HAPLN3: variants seen among roughly 807,000 people sequenced by gnomAD.
The protein encoded by HAPLN3 is extracellular link domain containing, 1.
HAPLN3 carries 28 observed loss-of-function variants against 28.1 expected under a neutral mutation model. The observed-to-expected ratio is 1.00, with a 90% CI of 0.74 to 1.37. The LOEUF (loss-of-function observed/expected upper bound fraction) is 1.37, where lower values mean the gene tolerates loss of function less well. Ranked by LOEUF, HAPLN3 falls within the 40% of genes most tolerant of loss-of-function variation. HAPLN3 has a pLI of 0.00. For missense variants in HAPLN3, 513 were observed against 504.6 expected (o/e 1.02, Z -0.16); for synonymous variants, 211 against 213.1 (o/e 0.99, Z 0.09).
chr15:88,884,307 G>A (rs1309393447), intron 2 of HAPLN3, among the ~76,000 whole-genome samples: 1 of 152,146 alleles, frequency 6.6e-6, no homozygotes, highest in African/African-American at 2.4e-5. Context: ...GCTCACGCCT[G>A]TAATCCCAGC....
rs1763660796 is a variant in HAPLN3, at chr15:88,881,810, C to T, written c.125-85G>A. On this transcript the variant is annotated intron_variant, in intron 2 of 4. Transcript: ENST00000359595. This position sits in a 1 kb window ranked among gnomAD's most constrained non-coding sequence, Gnocchi z 6.0. ...GGCCACCGCACACCCTCATCCACGG[C>T]TCCTACAGGCTCAGATTGCAAAAAT... 6.9e-7 allele frequency: 1 copy of T among 1,456,356 alleles called. No individual in the cohort carries two copies. The highest frequency in any genetic ancestry group is 1.4e-5 in the South Asian group (1 of 73,508). The allele number at this position is 1,456,356 out of a possible 1,614,324, so 90.2% of individuals were successfully genotyped here.
Position 88,895,006 on chromosome 15 carries a change from C to T in HAPLN3, c.-48+453G>A, listed in dbSNP as rs557369484. 8.5e-5 allele frequency among the ~76,000 whole-genome samples: 13 copies of T among 152,356 alleles called. No homozygotes were observed. Among genetic ancestry groups the T allele is most frequent in the African/African-American group, 3.1e-4 (13 of 41,594 alleles). On this transcript the variant is annotated intron_variant, in intron 1 of 4. Coordinates refer to ENST00000359595, the MANE Select transcript of HAPLN3 (RefSeq NM_178232.4). This position sits in a 1 kb window ranked among gnomAD's most constrained non-coding sequence, Gnocchi z 5.5. The stretch of plus-strand genomic sequence containing the variant: ...GGTCCGCCAGCCGCCTCGCAGGTTG[C>T]CCTCAGCCCCTCCCAGGACTCCCGG...
At position 88,881,149 on chromosome 15, in the gene HAPLN3, CTG is replaced by C; in HGVS notation, c.493+206_493+207del. ...AGACCCCAGCTCTGTCGTTTACAAG[CTG>C]TGTGACCTTAGGTAAGTTACTTGAC... is the stretch of plus-strand genomic sequence containing the variant. On this transcript the variant is annotated intron_variant, in intron 3 of 4. Transcript: ENST00000359595. This position sits in a 1 kb window ranked among gnomAD's most constrained non-coding sequence, Gnocchi z 6.0. 1 of 628,470 alleles carries C rather than the reference CTG, an allele frequency of 1.6e-6. No homozygotes were observed. The highest frequency in any genetic ancestry group is 2.7e-6 in the Non-Finnish European group (1 of 370,792). 38.9% of individuals were successfully genotyped at this position (628,470 alleles called of 1,614,324 possible). A position where few individuals can be genotyped will look rare whatever the true frequency, so the allele number is the denominator to read the frequency against.
At position 88,879,026 on chromosome 15, in the gene HAPLN3, C is replaced by A; in HGVS notation, c.737G>T (p.Gly246Val). ...GCGGTGCAGGCGGCGGTGGCGGGGG[C>A]CGTAGCTTCGCACGCCAGGTGCCAG... is the stretch of plus-strand genomic sequence containing the variant. ...PGLAPGVRSY[G>V]PRHRRLHRYD... Residue 246 changes from glycine (G) to valine (V), a missense_variant, in exon 4 of 5, where the codon GGC becomes GTC. By Grantham distance (109) the Gly-to-Val change is moderately radical. Transcript: ENST00000359595. The surrounding 1 kb of genome is among the most constrained non-coding windows in gnomAD (Gnocchi z 5.0). The A allele has an allele frequency of 6.2e-7, 1 of 1,608,448 alleles. No individual in the cohort carries two copies. Among genetic ancestry groups the A allele is most frequent in the Non-Finnish European group, 8.5e-7 (1 of 1,178,024 alleles).
chr15:88,893,538 CT>C (rs1467678861), intron 1 of HAPLN3, among the ~76,000 whole-genome samples: 1 of 152,136 alleles, frequency 6.6e-6, no homozygotes, highest in African/African-American at 2.4e-5. Context: ...AGCAGATTGG[CT>C]GCCTGCATTC....
chr15:88,881,818 G>T lies in HAPLN3; in HGVS notation c.125-93C>A, dbSNP rs556825126. The T allele has an allele frequency of 2.9e-3, 4,164 of 1,421,394 alleles. 12 individuals are homozygous for T. The highest frequency in any genetic ancestry group is 3.6e-3 in the Non-Finnish European group (3,819 of 1,059,082). The allele number at this position is 1,421,394 out of a possible 1,614,324, so 88.0% of individuals were successfully genotyped here. ...CACACCCTCATCCACGGCTCCTACA[G>T]GCTCAGATTGCAAAAATGGCCACCA... On this transcript the variant is annotated intron_variant, in intron 2 of 4. Transcript: ENST00000359595. The surrounding 1 kb of genome is among the most constrained non-coding windows in gnomAD (Gnocchi z 6.0).
In HAPLN3 at chr15:88,887,168, C is replaced by A. The variant is rs758332630; in HGVS notation, c.124+7G>T. The A allele has an allele frequency of 1.9e-6, 3 of 1,614,032 alleles. No individual in the cohort carries two copies. The highest frequency in any genetic ancestry group is 2.5e-6 in the Non-Finnish European group (3 of 1,180,006). ...GAGCAAAGAGCCGGGTGCAGGAGGT[C>A]GCCTACCTTTGCCATGACCGTTGCC... On this transcript the variant is annotated splice_region_variant and intron_variant, in intron 2 of 4. Coordinates refer to ENST00000359595, the MANE Select transcript of HAPLN3 (RefSeq NM_178232.4).
rs1897687728 is a variant in HAPLN3, at chr15:88,881,283, T to G, written c.493+74A>C. On this transcript the variant is annotated intron_variant, in intron 3 of 4. Coordinates refer to ENST00000359595, the MANE Select transcript of HAPLN3 (RefSeq NM_178232.4). This position sits in a 1 kb window ranked among gnomAD's most constrained non-coding sequence, Gnocchi z 6.0. ...CTTTTAAATGTCTAAAGCACAGAGG[T>G]CTGGATGTTTTCTCTGGTCCTCTCC... The G allele has an allele frequency of 1.3e-6, 2 of 1,505,226 alleles. No individual in the cohort carries two copies. 93.2% of individuals were successfully genotyped at this position (1,505,226 alleles called of 1,614,324 possible).
rs1011165193 is a variant in HAPLN3 at position 88,879,656 on chromosome 15, C to T, written c.494-387G>A. ...AGCTCCCCACTCGTTAGCTGGGACCCGATCGTCTACGTTATTATGAATGTG... is the reference window on the plus strand; with the variant it reads ...AGCTCCCCACTCGTTAGCTGGGACCTGATCGTCTACGTTATTATGAATGTG... On this transcript the variant is annotated intron_variant, in intron 3 of 4. Transcript: ENST00000359595. This position sits in a 1 kb window ranked among gnomAD's most constrained non-coding sequence, Gnocchi z 5.0. The T allele has an allele frequency of 4.0e-5, 48 of 1,214,796 alleles. No individual in the cohort carries two copies. Among genetic ancestry groups the T allele is most frequent in the Non-Finnish European group, 4.7e-5 (45 of 957,782 alleles). The allele number at this position is 1,214,796 out of a possible 1,614,324, so 75.3% of individuals were successfully genotyped here.
In HAPLN3 at chr15:88,879,216, C is replaced by A; in HGVS notation, c.547G>T (p.Glu183Ter). ...PNGRYQFNFHEGQQVCAEQAA... is the reference protein window; with the variant it reads ...PNGRYQFNFH ...TGCTCTGCACAGACCTGCTGGCCCT[C>A]GTGGAAGTTGAACTGGTAGCGCCCG... The change falls in exon 4 of 5, where the codon GAG becomes TAG. Residue 183 changes from glutamate to a stop codon, truncating the protein, a stop_gained. Transcript: ENST00000359595. LOFTEE classifies it high-confidence loss of function. This position sits in a 1 kb window ranked among gnomAD's most constrained non-coding sequence, Gnocchi z 5.0. The A allele has an allele frequency of 6.2e-7, 1 of 1,611,798 alleles. No homozygotes were observed. Among genetic ancestry groups the A allele is most frequent in the Non-Finnish European group, 8.5e-7 (1 of 1,178,864 alleles).
intron 1 of HAPLN3, chr15:88,893,203 G>C (rs1465970410): frequency 1.5e-6 from 1 of 668,748 alleles, no homozygotes. Context: ...GATCACCTGA[G>C]GTCAGGAGTT....
intron 1 of HAPLN3, among the ~76,000 whole-genome samples, chr15:88,892,412 A>G (rs140854294): frequency 0.15 from 22,667 of 151,664 alleles, 2,111 homozygotes; most frequent in African/African-American, 0.25. Flanking sequence ...AGCCGAGATC[A>G]CACCTTTGCA....
intron 1 of HAPLN3, among the ~76,000 whole-genome samples, chr15:88,890,735 T>C (rs1452786062): frequency 6.6e-6 from 1 of 152,118 alleles, no homozygotes; most frequent in African/African-American, 2.4e-5. Flanking sequence ...CCCAACCTTC[T>C]GGAAACCACA....
intron 4 of HAPLN3, among the ~76,000 whole-genome samples, 158 bp downstream of exon 4, chr15:88,878,809 C>A (rs1286151782): frequency 6.6e-6 from 1 of 152,230 alleles, no homozygotes; most frequent in Non-Finnish European, 1.5e-5. Flanking sequence ...ACTCAAAACT[C>A]AACCAGATGC....
chr15:88,884,581 A>G (rs1190471307), intron 2 of HAPLN3, among the ~76,000 whole-genome samples: 4 of 152,148 alleles, frequency 2.6e-5, no homozygotes, highest in African/African-American at 9.7e-5. Context: ...AAATAAATAA[A>G]TAAAGTAGGG....
intron 4 of HAPLN3, 84 bp from the exon 5 acceptor site, chr15:88,878,340 A>C: frequency 1.5e-6 from 2 of 1,305,576 alleles, no homozygotes; most frequent in Admixed American, 4.1e-5. Flanking sequence ...CCAGCCCCAA[A>C]GACCCGTCTG....
In HAPLN3 at chr15:88,877,861, A is replaced by T; in HGVS notation, c.*109T>A. 1 of 1,109,094 alleles carries T rather than the reference A, an allele frequency of 9.0e-7. No homozygotes were observed. Among genetic ancestry groups the T allele is most frequent in the Non-Finnish European group, 1.3e-6 (1 of 793,940 alleles). The allele number at this position is 1,109,094 out of a possible 1,614,324, so 68.7% of individuals were successfully genotyped here. A position where few individuals can be genotyped will look rare whatever the true frequency, so the allele number is the denominator to read the frequency against. On this transcript the variant is annotated 3_prime_UTR_variant, in exon 5 of 5. Transcript: ENST00000359595. This position sits in a 1 kb window ranked among gnomAD's most constrained non-coding sequence, Gnocchi z 5.1. The stretch of plus-strand genomic sequence containing the variant: ...TAAAAAAATGTTTAAAGAAAATTTA[A>T]ATTGAGAAGTATAAAAACAGTTAAA...
At chr15:88,893,045 G>T (rs1239737289) in intron 1 of HAPLN3, 9 of 1,347,806 alleles carry the variant, frequency 6.7e-6, no homozygotes, top group South Asian at 5.0e-5. Context: ...CGGTATTGGA[G>T]CTGGACACAC....
Position 88,879,366 on chromosome 15 carries a change from T to C in HAPLN3, c.494-97A>G. On this transcript the variant is annotated intron_variant, in intron 3 of 4. Transcript: ENST00000359595. The surrounding 1 kb of genome is among the most constrained non-coding windows in gnomAD (Gnocchi z 5.0). The stretch of plus-strand genomic sequence containing the variant: ...CACCTTCACTGGGACATGTGCTGCC[T>C]GCAACACACACACATACACCATCCC... The C allele has an allele frequency of 1.9e-6, 3 of 1,575,746 alleles. No individual in the cohort carries two copies. Among genetic ancestry groups the C allele is most frequent in the Non-Finnish European group, 2.6e-6 (3 of 1,169,278 alleles).
Sources: gnomAD v4.1 joint callset for allele counts (sites outside exome capture counted in the v4.1 genomes callset) on GRCh38, gnomAD v4.1.1 for gene constraint, Gnocchi (gnomAD v3.1) non-coding constraint, MANE v1.5 for transcripts, NCBI Gene and HGNC (gene_info 2026-07-23, HGNC 2026-07-21) for gene names.